Variants in ZNF212 observed in about 807,000 individuals in gnomAD.
ZNF212 encodes zinc finger protein 212.
A neutral mutation model predicts 47.3 loss-of-function variants in ZNF212; 32 were observed. The ratio of observed to expected loss-of-function variants is 0.68; its 90% CI spans 0.51 to 0.91. ZNF212 has a LOEUF of 0.91. Ranked by LOEUF, ZNF212 falls within the 40% of genes least tolerant of loss-of-function variation. ZNF212 has a pLI of 0.00. For missense variants in ZNF212, 555 were observed against 622.8 expected (o/e 0.89, Z 1.16); for synonymous variants, 242 against 253.8 (o/e 0.95, Z 0.44).
intron 3 of ZNF212, among the ~76,000 whole-genome samples, chr7:149,251,722 T>C (rs1796762126): frequency 6.6e-6 from 1 of 151,712 alleles, no homozygotes; most frequent in Non-Finnish European, 1.5e-5. Flanking sequence ...ACTTCTGGGC[T>C]CAAGTGATCC....
At chr7:149,240,097 G>C (rs995327197) in intron 1 of ZNF212, 1 of 368,836 alleles carries the variant, frequency 2.7e-6, no homozygotes. Flanking sequence ...TTTCTCTTTC[G>C]TGCCAAAAGA....
intron 1 of ZNF212, among the ~76,000 whole-genome samples, chr7:149,244,474 G>A (rs1796647525): frequency 1.3e-5 from 2 of 151,830 alleles, no homozygotes; most frequent in Admixed American, 6.6e-5. Context: ...CACCACGCCC[G>A]GCTAATTCTT....
intron 1 of ZNF212, among the ~76,000 whole-genome samples, chr7:149,248,432 C>G (rs904448000): frequency 2.6e-5 from 4 of 152,138 alleles, no homozygotes; most frequent in African/African-American, 9.7e-5. Flanking sequence ...ACAATTCAAC[C>G]CATAACACTG....
At position 149,239,776 on chromosome 7, in the gene ZNF212, G is replaced by T; in HGVS notation, c.-3G>T. 7.8e-7 allele frequency: 1 copy of T among 1,276,766 alleles called. No individual in the cohort carries two copies. Among genetic ancestry groups the T allele is most frequent in the Admixed American group, 3.8e-5 (1 of 26,540 alleles). The allele number at this position is 1,276,766 out of a possible 1,614,324, so 79.1% of individuals were successfully genotyped here. A position where few individuals can be genotyped will look rare whatever the true frequency, so the allele number is the denominator to read the frequency against. ...GTCTGGGTGTTGAGGGGCGACTGGA[G>T]CCATGGCGGAGTCGGCGCCTGCTCG... On this transcript the variant is annotated 5_prime_UTR_variant, in exon 1 of 5. Transcript: ENST00000335870.
chr7:149,239,892 CG>C lies in ZNF212; in HGVS notation c.24+94del. 8 of 1,251,572 alleles carry C rather than the reference CG, an allele frequency of 6.4e-6. No individual in the cohort carries two copies. The South Asian group carries it at 1.2e-4, about 19-fold the overall frequency. 77.5% of individuals were successfully genotyped at this position (1,251,572 alleles called of 1,614,324 possible). On this transcript the variant is annotated intron_variant, in intron 1 of 4. Transcript: ENST00000335870. Reference sequence around the variant, plus strand: ...CGGGGCTTCGCGGTTTGGACGCCGCCGGGGTCTTGGTTTCCCGGGGCTGCCG... The same window carrying C: ...CGGGGCTTCGCGGTTTGGACGCCGCCGGGTCTTGGTTTCCCGGGGCTGCCG...
rs753388917 is a variant in ZNF212 at position 149,250,497 on chromosome 7, G to T, written c.363G>T (p.Arg121Ser). 4 of 1,614,094 alleles carry T rather than the reference G, an allele frequency of 2.5e-6. No individual in the cohort carries two copies. The highest frequency in any genetic ancestry group is 3.4e-6 in the Non-Finnish European group (4 of 1,180,016). ...LENVENLLRN[R>S]NFWILRLPPG... is the part of the protein sequence containing the mutation. ...ACGTGGAGAACCTGCTGCGCAACAGGAACTTCTGGATCCTGCGGCTGCCCC... is the reference window on the plus strand; with the variant it reads ...ACGTGGAGAACCTGCTGCGCAACAGTAACTTCTGGATCCTGCGGCTGCCCC... The change falls in exon 2 of 5, where the codon AGG becomes AGT. Residue 121 changes from arginine (R) to serine (S), a missense_variant. Physicochemically the swap from Arg to Ser is moderately radical, Grantham distance 110. Transcript: ENST00000335870.
rs114314835 is a variant in ZNF212 at position 149,254,835 on chromosome 7, A to G, written c.*420A>G. The stretch of plus-strand genomic sequence containing the variant: ...ATAACCCTCCATTTTTTCTTGTTTT[A>G]TAATCTCTTTGTTTAATAATAAGTA... On this transcript the variant is annotated 3_prime_UTR_variant, in exon 5 of 5. Coordinates refer to ENST00000335870, the MANE Select transcript of ZNF212 (RefSeq NM_012256.4). The surrounding 1 kb of genome is among the most constrained non-coding windows in gnomAD (Gnocchi z 4.5). 5.1e-3 allele frequency: 880 copies of G among 173,338 alleles called. 10 individuals are homozygous for G. Among genetic ancestry groups the G allele is most frequent in the African/African-American group, 0.02 (832 of 42,230 alleles). The allele number at this position is 173,338 out of a possible 1,614,324, so 10.7% of individuals were successfully genotyped here. A position where few individuals can be genotyped will look rare whatever the true frequency, so the allele number is the denominator to read the frequency against.
intron 1 of ZNF212, among the ~76,000 whole-genome samples, chr7:149,245,707 A>G (rs577403920): frequency 6.6e-6 from 1 of 152,204 alleles, no homozygotes; most frequent in Non-Finnish European, 1.5e-5. Context: ...GGATTTCACC[A>G]TCTTGCCCTG....
intron 1 of ZNF212, among the ~76,000 whole-genome samples, chr7:149,241,300 C>T (rs1468554012): frequency 6.6e-6 from 1 of 151,954 alleles, no homozygotes; most frequent in Non-Finnish European, 1.5e-5. Context: ...GGCGTGGTGG[C>T]GGGTGCCTGT....
rs1251077387 is a variant in ZNF212, at chr7:149,253,542, C to G, written c.632-17C>G. On this transcript the variant is annotated splice_polypyrimidine_tract_variant and intron_variant, in intron 4 of 4. Transcript: ENST00000335870. ...CTAGAATGTGATCTTTTTTGTTGGT[C>G]TTCTTCCACTTTGCAGCAGGTGGGG... 1.9e-6 allele frequency: 3 copies of G among 1,580,114 alleles called. No individual in the cohort carries two copies. The Admixed American group carries it at 5.4e-5, about 28-fold the overall frequency.
In ZNF212 at chr7:149,255,103, G is replaced by C. The variant is rs1047313245; in HGVS notation, c.*688G>C. On this transcript the variant is annotated 3_prime_UTR_variant, in exon 5 of 5. Coordinates refer to ENST00000335870, the MANE Select transcript of ZNF212 (RefSeq NM_012256.4). ...AGGGGACACGGTGCTAGGTTCCCTC[G>C]TGCAGTGCCTGGTGCTCTCAAATTG... The C allele has an allele frequency of 6.6e-6, 1 of 152,170 alleles. No individual in the cohort carries two copies. Among genetic ancestry groups the C allele is most frequent in the Non-Finnish European group, 1.5e-5 (1 of 68,080 alleles). 9.4% of individuals were successfully genotyped at this position (152,170 alleles called of 1,614,324 possible).
Position 149,254,482 on chromosome 7 carries a change from C to CT in ZNF212, c.*67_*68insT. ...CATTGGTTCCCCCGAAGAGACACTG[C>CT]AGTCAGGGACTGAGTTCTTCCTGAG... On this transcript the variant is annotated 3_prime_UTR_variant, in exon 5 of 5. Coordinates refer to ENST00000335870, the MANE Select transcript of ZNF212 (RefSeq NM_012256.4). This position sits in a 1 kb window ranked among gnomAD's most constrained non-coding sequence, Gnocchi z 4.5. 1.3e-6 allele frequency: 2 copies of CT among 1,512,768 alleles called. No homozygotes were observed. The highest frequency in any genetic ancestry group is 1.8e-6 in the Non-Finnish European group (2 of 1,140,704). The allele number at this position is 1,512,768 out of a possible 1,614,324, so 93.7% of individuals were successfully genotyped here.
intron 1 of ZNF212, among the ~76,000 whole-genome samples, chr7:149,240,868 A>G (rs1325320373): frequency 4.6e-5 from 7 of 152,208 alleles, no homozygotes; most frequent in Admixed American, 4.6e-4. Context: ...TGCGTTAAGA[A>G]CTAAGAACGG....
intron 4 of ZNF212, 37 bp from the exon 5 acceptor site, chr7:149,253,522 A>G (rs576736488): frequency 6.4e-7 from 1 of 1,571,518 alleles, no homozygotes; most frequent in East Asian, 2.3e-5. Context: ...AGGTACTAGA[A>G]TGTGATCTTT....
rs370457164 is a variant in ZNF212 at position 149,254,605 on chromosome 7, C to T, written c.*190C>T. On this transcript the variant is annotated 3_prime_UTR_variant, in exon 5 of 5. Coordinates refer to ENST00000335870, the MANE Select transcript of ZNF212 (RefSeq NM_012256.4). This position sits in a 1 kb window ranked among gnomAD's most constrained non-coding sequence, Gnocchi z 4.5. ...GGAAGAAGAGTCCAGGCCAGGTCTT[C>T]ATCCTGCTGCCAAGTTTGCTGTTTC... 6 of 818,406 alleles carry T rather than the reference C, an allele frequency of 7.3e-6. No individual in the cohort carries two copies. The highest frequency in any genetic ancestry group is 3.4e-5 in the Admixed American group (1 of 29,520). The allele number at this position is 818,406 out of a possible 1,614,324, so 50.7% of individuals were successfully genotyped here.
intron 1 of ZNF212, chr7:149,240,118 A>G (rs1796566129): frequency 3.0e-6 from 1 of 329,364 alleles, no homozygotes; most frequent in Non-Finnish European, 5.5e-6. Flanking sequence ...GCCCGTTCCC[A>G]GGTTGGAGTG....
intron 1 of ZNF212, among the ~76,000 whole-genome samples, chr7:149,240,983 C>G (rs938198946): frequency 1.3e-5 from 2 of 152,350 alleles, no homozygotes; most frequent in African/African-American, 4.8e-5. Context: ...TCATCTGACT[C>G]CTATAAGCTA....
Position 149,239,749 on chromosome 7 carries a change from G to A in ZNF212, c.-30G>A. ...AACGCAGCACGGGGGCTCCGAGGCG[G>A]GGTCTGGGTGTTGAGGGGCGACTGG... On this transcript the variant is annotated 5_prime_UTR_variant, in exon 1 of 5. Coordinates refer to ENST00000335870, the MANE Select transcript of ZNF212 (RefSeq NM_012256.4). 7.8e-7 allele frequency: 1 copy of A among 1,278,310 alleles called. No individual in the cohort carries two copies. Among genetic ancestry groups the A allele is most frequent in the Non-Finnish European group, 9.9e-7 (1 of 1,005,710 alleles). 79.2% of individuals were successfully genotyped at this position (1,278,310 alleles called of 1,614,324 possible).
At position 149,253,590 on chromosome 7, in the gene ZNF212, G is replaced by T; in HGVS notation, c.663G>T (p.Gln221His). 1 of 1,612,850 alleles carries T rather than the reference G, an allele frequency of 6.2e-7. No homozygotes were observed. Among genetic ancestry groups the T allele is most frequent in the Non-Finnish European group, 8.5e-7 (1 of 1,178,968 alleles). ...AGGVMIKQEL[Q>H]YTQEGPADLP... ...GGGTCATGATCAAACAGGAGCTACA[G>T]TATACACAGGAAGGCCCTGCGGATC... The change falls in exon 5 of 5, where the codon CAG becomes CAT. Residue 221 changes from glutamine to histidine, a missense_variant. Transcript: ENST00000335870.
Sources: gnomAD v4.1 joint callset for allele counts (sites outside exome capture counted in the v4.1 genomes callset) on GRCh38, gnomAD v4.1.1 for gene constraint, Gnocchi (gnomAD v3.1) non-coding constraint, MANE v1.5 for transcripts, NCBI Gene and HGNC (gene_info 2026-07-23, HGNC 2026-07-21) for gene names.